The following EFR3B variants were observed in gnomAD, a reference collection of about 807,000 sequenced individuals.
The protein encoded by EFR3B is EFR3 homolog B, also known as protein EFR3 homolog B.
A neutral mutation model predicts 104.7 loss-of-function variants in EFR3B; 64 were observed. The observed-to-expected ratio is 0.61, with a 90% confidence interval of 0.50 to 0.75. The LOEUF is 0.75. Ranked by LOEUF, EFR3B falls within the 30% of genes least tolerant of loss-of-function variation. The pLI is 0.00. For missense variants in EFR3B, 750 were observed against 1,078.5 expected (o/e 0.70, Z 4.27); for synonymous variants, 385 against 417.9 (o/e 0.92, Z 0.96).
At chr2:25,126,174 G>A (rs1163611094) in intron 5 of EFR3B, among the ~76,000 whole-genome samples, 1 of 152,112 alleles carries the variant, frequency 6.6e-6, no homozygotes, top group Non-Finnish European at 1.5e-5. Flanking sequence ...TTGGCAAATT[G>A]GGAGCCTTTC....
rs956937289 is a variant in EFR3B at position 25,131,744 on chromosome 2, T to G, written c.986-6T>G. 79 of 1,494,912 alleles carry G rather than the reference T, an allele frequency of 5.3e-5. No individual in the cohort carries two copies. Among genetic ancestry groups the G allele is most frequent in the Admixed American group, 1.8e-4 (8 of 43,500 alleles). The allele number at this position is 1,494,912 out of a possible 1,614,324, so 92.6% of individuals were successfully genotyped here. On this transcript the variant is annotated splice_region_variant and splice_polypyrimidine_tract_variant and intron_variant, in intron 9 of 22. Coordinates refer to ENST00000403714, the MANE Select transcript of EFR3B (RefSeq NM_014971.2). The surrounding 1 kb of genome is among the most constrained non-coding windows in gnomAD (Gnocchi z 7.6). Reference sequence around the variant, plus strand: ...GATCTCGGGTGTCCCGCCCCACCGCTCTCAGGGCCCACAGTACTGGAGATG... The same window carrying G: ...GATCTCGGGTGTCCCGCCCCACCGCGCTCAGGGCCCACAGTACTGGAGATG...
In EFR3B at chr2:25,065,513, C is replaced by T. The variant is rs78450196; in HGVS notation, c.7+23194C>T. ...GCTGATTATATAATATTTTACAATGCTCTTGAGCCAGCAGTCATTGAAGCT... is the reference window on the plus strand; with the variant it reads ...GCTGATTATATAATATTTTACAATGTTCTTGAGCCAGCAGTCATTGAAGCT... On this transcript the variant is annotated intron_variant, in intron 1 of 22. Transcript: ENST00000403714. Among the ~76,000 whole-genome samples the T allele has an allele frequency of 5.3e-3, 804 of 152,202 alleles. 7 individuals carry two copies. The highest frequency in any genetic ancestry group is 0.019 in the African/African-American group (771 of 41,516).
At chr2:25,050,223 T>C (rs991480093) in intron 1 of EFR3B, among the ~76,000 whole-genome samples, 3 of 151,940 alleles carry the variant, frequency 2.0e-5, no homozygotes, top group Admixed American at 1.3e-4. Flanking sequence ...TTTGAAACTG[T>C]CAAAGGACTG....
chr2:25,081,654 G>A lies in EFR3B; in HGVS notation c.8-9671G>A, dbSNP rs913549742. 1.0e-4 allele frequency: 61 copies of A among 613,014 alleles called. 1 individual carries two copies. Among genetic ancestry groups the A allele is most frequent in the South Asian group, 8.0e-4 (37 of 46,076 alleles). The allele number at this position is 613,014 out of a possible 1,614,324, so 38.0% of individuals were successfully genotyped here. ...GAAGGTGGCCCCGAAGGGTAGCTGC[G>A]GCCAACAGCTGGCTGTAGAACATGG... On this transcript the variant is annotated intron_variant, in intron 1 of 22. Transcript: ENST00000403714.
chr2:25,136,526 C>A lies in EFR3B; in HGVS notation c.1488C>A (p.Thr496=). The A allele has an allele frequency of 1.9e-6, 3 of 1,551,394 alleles. No homozygotes were observed. Among genetic ancestry groups the A allele is most frequent in the Non-Finnish European group, 1.7e-6 (2 of 1,146,870 alleles). ...GGCCCTTTGCATCCCTTCCCAGTAC[C>A]CTCAGTGACATCTCTGTCCTGAAGC... ...GNRHKFSTIS[T]LSDISVLKLK... The change falls in exon 14 of 23, where the codon ACC becomes ACA. Residue 496 remains threonine (T), a synonymous_variant. Transcript: ENST00000403714. The surrounding 1 kb of genome is among the most constrained non-coding windows in gnomAD (Gnocchi z 4.0).
At chr2:25,049,731 G>A (rs771584841) in intron 1 of EFR3B, among the ~76,000 whole-genome samples, 2 of 152,128 alleles carry the variant, frequency 1.3e-5, no homozygotes, top group African/African-American at 2.4e-5. Context: ...GGAAGTGTGC[G>A]TGGAGGTGGG....
intron 1 of EFR3B, among the ~76,000 whole-genome samples, chr2:25,083,993 A>G (rs1283850608): frequency 2.6e-5 from 4 of 152,092 alleles, no homozygotes; most frequent in Non-Finnish European, 5.9e-5. Flanking sequence ...ACTGTAACCT[A>G]TCCCTGCCCT....
At chr2:25,047,121 G>T (rs1225323211) in intron 1 of EFR3B, among the ~76,000 whole-genome samples, 1 of 152,142 alleles carries the variant, frequency 6.6e-6, no homozygotes, top group Non-Finnish European at 1.5e-5. Flanking sequence ...AAATAAAAAG[G>T]TAATATTATA....
chr2:25,126,765 G>T (rs1193849411), intron 5 of EFR3B, among the ~76,000 whole-genome samples: 1 of 151,980 alleles, frequency 6.6e-6, no homozygotes, highest in Admixed American at 6.6e-5. Context: ...AAAGTGCTGG[G>T]GTTACAGGTG....
chr2:25,114,207 T>G lies in EFR3B; in HGVS notation c.364-7466T>G, dbSNP rs1456571317. ...CACCAAAATTTCCAGCTTGGCCCCC[T>G]CATGTCAACCCCTGGAAGATTCAGG... On this transcript the variant is annotated intron_variant, in intron 4 of 22. Transcript: ENST00000403714. The surrounding 1 kb of genome is among the most constrained non-coding windows in gnomAD (Gnocchi z 4.0). Among the ~76,000 whole-genome samples, 2 of 152,094 alleles carry G rather than the reference T, an allele frequency of 1.3e-5. No homozygotes were observed. Among genetic ancestry groups the G allele is most frequent in the African/African-American group, 4.8e-5 (2 of 41,400 alleles).
chr2:25,067,877 C>T (rs1440344547), intron 1 of EFR3B, among the ~76,000 whole-genome samples: 5 of 152,020 alleles, frequency 3.3e-5, no homozygotes, highest in South Asian at 2.1e-4. Flanking sequence ...ATGGGGATCT[C>T]GCCATATTGC....
At chr2:25,153,594 C>A in intron 21 of EFR3B, 118 bp from the exon 22 acceptor site, 1 of 1,011,012 alleles carries the variant, frequency 9.9e-7, no homozygotes, top group Non-Finnish European at 1.5e-6. Flanking sequence ...CTCTGCCTGC[C>A]TTCCTAAGGC....
At chr2:25,051,326 G>A (rs922687450) in intron 1 of EFR3B, among the ~76,000 whole-genome samples, 1 of 151,988 alleles carries the variant, frequency 6.6e-6, no homozygotes, top group East Asian at 1.9e-4. Context: ...TGTTGGCCAG[G>A]CGGGTCTCGA....
chr2:25,097,860 G>T (rs142223714), intron 3 of EFR3B, among the ~76,000 whole-genome samples: 32 of 152,292 alleles, frequency 2.1e-4, no homozygotes, highest in African/African-American at 7.2e-4. Context: ...TGACCCCTGA[G>T]CATTGATGGG....
intron 1 of EFR3B, chr2:25,081,450 T>C: frequency 7.0e-7 from 1 of 1,435,890 alleles, no homozygotes; most frequent in African/African-American, 1.4e-5. Context: ...AAGCTTCATC[T>C]GGTGATTTTG....
At position 25,131,953 on chromosome 2, in the gene EFR3B, G is replaced by T. The variant is rs779644499; in HGVS notation, c.1147+42G>T. 4.4e-6 allele frequency: 6 copies of T among 1,376,054 alleles called. No homozygotes were observed. The highest frequency in any genetic ancestry group is 5.7e-6 in the Non-Finnish European group (6 of 1,061,942). The allele number at this position is 1,376,054 out of a possible 1,614,324, so 85.2% of individuals were successfully genotyped here. A position where few individuals can be genotyped will look rare whatever the true frequency, so the allele number is the denominator to read the frequency against. The stretch of plus-strand genomic sequence containing the variant: ...GGCCGGGGCGGGGCGGGGCCGAGGC[G>T]CGGAGTGGGGAGGGGAGGGGAGGGA... On this transcript the variant is annotated intron_variant, in intron 10 of 22. Coordinates refer to ENST00000403714, the MANE Select transcript of EFR3B (RefSeq NM_014971.2). This position sits in a 1 kb window ranked among gnomAD's most constrained non-coding sequence, Gnocchi z 7.6.
At chr2:25,069,443 C>T (rs779673097) in intron 1 of EFR3B, among the ~76,000 whole-genome samples, 14 of 152,144 alleles carry the variant, frequency 9.2e-5, no homozygotes, top group Non-Finnish European at 1.2e-4. Flanking sequence ...TAGTCTGTGA[C>T]GGTTCTTGGC....
In EFR3B at chr2:25,114,163, A is replaced by G. The variant is rs761844091; in HGVS notation, c.364-7510A>G. Among the ~76,000 whole-genome samples, 8 of 152,192 alleles carry G rather than the reference A, an allele frequency of 5.3e-5. No homozygotes were observed. Among genetic ancestry groups the G allele is most frequent in the Non-Finnish European group, 8.8e-5 (6 of 68,022 alleles). ...CAGGGCCCCCGGGAAAAACCCCATC[A>G]GACCCTCTGAATCACTGTCACCAAA... On this transcript the variant is annotated intron_variant, in intron 4 of 22. Transcript: ENST00000403714. This position sits in a 1 kb window ranked among gnomAD's most constrained non-coding sequence, Gnocchi z 4.0.
intron 1 of EFR3B, among the ~76,000 whole-genome samples, chr2:25,043,319 G>A (rs1259781422): frequency 1.3e-5 from 2 of 152,210 alleles, no homozygotes; most frequent in Non-Finnish European, 2.9e-5. Flanking sequence ...CTGCACTTGA[G>A]GGGTCAGTGT....
Sources: allele counts gnomAD v4.1 joint callset (sites outside exome capture counted in the v4.1 genomes callset), GRCh38; gene constraint gnomAD v4.1.1; non-coding constraint Gnocchi (gnomAD v3.1); transcripts MANE v1.5; gene names NCBI Gene and HGNC (gene_info 2026-07-23, HGNC 2026-07-21).